The following ELP4 variants were observed in gnomAD, a reference collection of about 807,000 sequenced individuals.
ELP4 encodes the protein elongator acetyltransferase complex subunit 4, also known as elongator complex protein 4.
In ELP4, 51 loss-of-function variants were observed where a neutral mutation model predicts 48.9. The ratio of observed to expected loss-of-function variants is 1.04; its 90% CI spans 0.83 to 1.32. ELP4 has a LOEUF of 1.32. ELP4 is among the 40% of genes most tolerant of loss of function. The pLI is 0.00. For synonymous variants in ELP4, 210 were observed against 189.2 expected (o/e 1.11, Z -0.90); for missense variants, 519 against 514.6 (o/e 1.01, Z -0.08).
intron 5 of ELP4, among the ~76,000 whole-genome samples, chr11:31,614,075 A>G (rs764670057): frequency 2.0e-5 from 3 of 152,144 alleles, no homozygotes; most frequent in Non-Finnish European, 4.4e-5. Flanking sequence ...ATCATTTGGT[A>G]ATAAAATAGT....
At chr11:31,596,010 G>T (rs768327699) in intron 4 of ELP4, among the ~76,000 whole-genome samples, 22 of 151,996 alleles carry the variant, frequency 1.4e-4, no homozygotes, top group Non-Finnish European at 2.4e-4. Context: ...ACTCACCAAT[G>T]CATCCTTCTC....
chr11:31,579,029 C>T (rs952842724), intron 3 of ELP4, among the ~76,000 whole-genome samples: 1 of 152,190 alleles, frequency 6.6e-6, no homozygotes, highest in Non-Finnish European at 1.5e-5. Flanking sequence ...AAAATTTTTA[C>T]AATCTACCCA....
rs570954211 is a variant in ELP4, at chr11:31,621,408, G to GA, written c.654-5697dup. On this transcript the variant is annotated intron_variant, in intron 5 of 9. Coordinates refer to ENST00000640961, the MANE Select transcript of ELP4 (RefSeq NM_019040.5). Reference sequence around the variant, plus strand: ...GCCAAGCAATGACTGATTTTAATGAGAAAAACCATATTTGAAACCATATGA... The same window carrying GA: ...GCCAAGCAATGACTGATTTTAATGAGAAAAAACCATATTTGAAACCATATGA... Among the ~76,000 whole-genome samples, 265 of 151,866 alleles carry GA rather than the reference G, an allele frequency of 1.7e-3. 1 individual carries two copies. Among genetic ancestry groups the GA allele is most frequent in the Middle Eastern group, 0.014 (4 of 294 alleles).
At chr11:31,710,164 G>A (rs552531265) in intron 9 of ELP4, among the ~76,000 whole-genome samples, 3 of 152,164 alleles carry the variant, frequency 2.0e-5, no homozygotes, top group Non-Finnish European at 2.9e-5. Context: ...TGTTGAATAC[G>A]TGAATTAGAC....
chr11:31,731,500 C>T (rs184561791), intron 9 of ELP4, among the ~76,000 whole-genome samples: 17 of 150,474 alleles, frequency 1.1e-4, no homozygotes, highest in Middle Eastern at 3.4e-3. Context: ...GAAATTATCC[C>T]GTCAGAGAAG....
At chr11:31,775,721 C>T (rs1270655508) in intron 9 of ELP4, among the ~76,000 whole-genome samples, 3 of 152,094 alleles carry the variant, frequency 2.0e-5, no homozygotes, top group Non-Finnish European at 4.4e-5. Flanking sequence ...AATCCCAGCA[C>T]TTTGGGAGGC....
chr11:31,687,409 A>G (rs1946183533), intron 9 of ELP4, among the ~76,000 whole-genome samples: 1 of 152,218 alleles, frequency 6.6e-6, no homozygotes, highest in African/African-American at 2.4e-5. Flanking sequence ...TGAAGGAATA[A>G]TGAACAATGC....
intron 2 of ELP4, among the ~76,000 whole-genome samples, chr11:31,533,752 TGAA>T (rs1956448407): frequency 6.6e-6 from 1 of 152,038 alleles, no homozygotes; most frequent in South Asian, 2.1e-4. Context: ...ACTACTAAAT[TGAA>T]GGAGGAGGAT....
intron 3 of ELP4, among the ~76,000 whole-genome samples, chr11:31,573,929 A>T (rs1957226451): frequency 6.6e-6 from 1 of 152,156 alleles, no homozygotes. Flanking sequence ...CCATCTCATT[A>T]GGGGATAGGA....
intron 7 of ELP4, 190 bp from the exon 8 acceptor site, chr11:31,647,551 G>T: frequency 2.1e-6 from 1 of 477,688 alleles, no homozygotes; most frequent in Non-Finnish European, 3.7e-6. Flanking sequence ...GACTACATGG[G>T]CCAGCATTTT....
At chr11:31,662,510 A>G (rs1040650158) in intron 9 of ELP4, 1 of 397,404 alleles carries the variant, frequency 2.5e-6, no homozygotes, top group Non-Finnish European at 4.4e-6. Flanking sequence ...CATTTTGTCT[A>G]TGGCTGTTTT....
At chr11:31,558,985 C>G (rs1956973697) in intron 3 of ELP4, among the ~76,000 whole-genome samples, 2 of 152,004 alleles carry the variant, frequency 1.3e-5, no homozygotes, top group Admixed American at 6.6e-5. Context: ...GGATAAATGA[C>G]CTCAAATTCT....
At chr11:31,662,610 AAGAACC>A (rs1945587062) in intron 9 of ELP4, 2 of 397,842 alleles carry the variant, frequency 5.0e-6, no homozygotes, top group Non-Finnish European at 8.9e-6. Flanking sequence ...TTCTATAAAG[AAGAACC>A]CCTACTTTAA....
chr11:31,532,757 CT>C (rs943944898), intron 2 of ELP4, among the ~76,000 whole-genome samples: 3 of 127,824 alleles, frequency 2.3e-5, no homozygotes, highest in East Asian at 4.6e-4. Context: ...GTACAGATTT[CT>C]TTTTTTTGTT....
At chr11:31,703,183 T>A (rs1307404384) in intron 9 of ELP4, among the ~76,000 whole-genome samples, 2 of 152,138 alleles carry the variant, frequency 1.3e-5, no homozygotes, top group African/African-American at 2.4e-5. Context: ...TCCTAGGACC[T>A]CTTCAGCCTC....
chr11:31,601,112 C>T (rs1957772224), intron 4 of ELP4, among the ~76,000 whole-genome samples: 1 of 151,476 alleles, frequency 6.6e-6, no homozygotes, highest in Non-Finnish European at 1.5e-5. Flanking sequence ...TTAAATGTGT[C>T]AATTTTTATT....
chr11:31,520,854 C>T (rs992798583), intron 2 of ELP4, among the ~76,000 whole-genome samples: 2 of 152,042 alleles, frequency 1.3e-5, no homozygotes, highest in African/African-American at 4.8e-5. Flanking sequence ...TCACACACCT[C>T]ACTGTTCTGA....
intron 9 of ELP4, among the ~76,000 whole-genome samples, chr11:31,668,714 G>GTGTT (rs1292578218): frequency 7.0e-6 from 1 of 142,036 alleles, no homozygotes; most frequent in African/African-American, 2.9e-5. Flanking sequence ...GTGTGTGTGT[G>GTGTT]TGTGTGTAAG....
intron 9 of ELP4, among the ~76,000 whole-genome samples, chr11:31,773,571 G>A (rs1948190097): frequency 1.3e-5 from 2 of 152,184 alleles, no homozygotes; most frequent in Non-Finnish European, 2.9e-5. Context: ...GGACACAGAA[G>A]CAGAGGTTTG....
Sources: gnomAD v4.1 joint callset for allele counts (sites outside exome capture counted in the v4.1 genomes callset) on GRCh38, gnomAD v4.1.1 for gene constraint, MANE v1.5 for transcripts, NCBI Gene and HGNC (gene_info 2026-07-23, HGNC 2026-07-21) for gene names.